The following EVL variants were observed in gnomAD, a reference collection of about 807,000 sequenced individuals.
EVL encodes the protein Enah/Vasp-like, also known as ena/VASP-like protein.
EVL carries 21 observed loss-of-function variants against 59.6 expected under a neutral mutation model. The observed-to-expected ratio is 0.35, with a 90% CI of 0.25 to 0.51. The LOEUF (loss-of-function observed/expected upper bound fraction) is 0.51, where lower values mean the gene tolerates loss of function less well. Among genes scored for constraint, EVL ranks in the 20% least tolerant of loss-of-function variants. The probability of loss-of-function intolerance (pLI) is 0.97; values close to 1 mark genes in which losing one functional copy is unlikely to be tolerated. For missense variants in EVL, 462 were observed against 546.6 expected (o/e 0.85, Z 1.54); for synonymous variants, 198 against 203.5 (o/e 0.97, Z 0.23).
intron 3 of EVL, chr14:100,106,498 C>G (rs75172774): frequency 5.7e-6 from 1 of 174,732 alleles, no homozygotes; most frequent in African/African-American, 2.4e-5. Flanking sequence ...CGTGGACCGC[C>G]TCCGTCTCCT....
At chr14:100,141,286 C>T (rs1449113524) in intron 12 of EVL, 40 bp downstream of exon 12, 11 of 1,606,802 alleles carry the variant, frequency 6.8e-6, no homozygotes, top group Non-Finnish European at 9.4e-6. Flanking sequence ...AGGCTGAGGG[C>T]AGCCAGCAGG....
At chr14:100,100,082 A>G (rs1004941594) in intron 3 of EVL, among the ~76,000 whole-genome samples, 1 of 151,608 alleles carries the variant, frequency 6.6e-6, no homozygotes, top group Non-Finnish European at 1.5e-5. Flanking sequence ...TAAATTCACC[A>G]GAGAATCACA....
intron 1 of EVL, among the ~76,000 whole-genome samples, chr14:100,023,371 A>ATTTT (rs1010647617): frequency 8.8e-5 from 8 of 90,750 alleles, no homozygotes; most frequent in Non-Finnish European, 1.2e-4. Context: ...AGCCCGGCTA[A>ATTTT]TTTTTTTTTT....
At chr14:99,973,677 G>A (rs1255504955) in intron 1 of EVL, among the ~76,000 whole-genome samples, 1 of 152,116 alleles carries the variant, frequency 6.6e-6, no homozygotes, top group African/African-American at 2.4e-5. Flanking sequence ...TGGCCAGGCG[G>A]GTCTCGAACT....
At position 100,109,823 on chromosome 14, in the gene EVL, C is replaced by A; in HGVS notation, c.358+12165C>A. ...ATGGAAGGGCCTTCAGCTGCTGTGG[C>A]CCCGAGGTGTGCATACTGTGGAAGG... On this transcript the variant is annotated intron_variant, in intron 3 of 13. Coordinates refer to ENST00000392920, the MANE Select transcript of EVL (RefSeq NM_016337.3). This position sits in a 1 kb window ranked among gnomAD's most constrained non-coding sequence, Gnocchi z 4.3. 1 of 441,860 alleles carries A rather than the reference C, an allele frequency of 2.3e-6. No homozygotes were observed. Among genetic ancestry groups the A allele is most frequent in the Admixed American group, 2.4e-5 (1 of 41,514 alleles). 27.4% of individuals were successfully genotyped at this position (441,860 alleles called of 1,614,324 possible). A position where few individuals can be genotyped will look rare whatever the true frequency, so the allele number is the denominator to read the frequency against.
At chr14:100,107,479 GCAGGC>G in intron 3 of EVL, 1 of 395,104 alleles carries the variant, frequency 2.5e-6, no homozygotes, top group Non-Finnish European at 4.5e-6. Flanking sequence ...GAGGATGTGT[GCAGGC>G]CACAGGACAA....
At chr14:100,083,085 G>A (rs2062347657) in intron 1 of EVL, among the ~76,000 whole-genome samples, 1 of 152,172 alleles carries the variant, frequency 6.6e-6, no homozygotes, top group African/African-American at 2.4e-5. Context: ...GGGCTCTGTG[G>A]TCACCTTCCA....
chr14:100,011,670 A>G (rs890656200), intron 1 of EVL, among the ~76,000 whole-genome samples: 1 of 152,220 alleles, frequency 6.6e-6, no homozygotes, highest in Non-Finnish European at 1.5e-5. Flanking sequence ...TAAATTGACT[A>G]TGATACTCTG....
At chr14:99,989,688 T>C (rs1040601775) in intron 1 of EVL, among the ~76,000 whole-genome samples, 25 of 152,240 alleles carry the variant, frequency 1.6e-4, no homozygotes, top group African/African-American at 5.8e-4. Flanking sequence ...GTGGCTATCA[T>C]ATTGGACAGC....
intron 3 of EVL, among the ~76,000 whole-genome samples, chr14:100,123,137 C>A (rs1887803781): frequency 6.6e-6 from 1 of 152,184 alleles, no homozygotes; most frequent in African/African-American, 2.4e-5. Context: ...TTCCCAGTTC[C>A]CCGCTGATTT....
At chr14:100,073,808 C>T (rs932274903) in intron 1 of EVL, among the ~76,000 whole-genome samples, 1 of 152,078 alleles carries the variant, frequency 6.6e-6, no homozygotes, top group African/African-American at 2.4e-5. Context: ...CACTAGGGCC[C>T]AGTTACTAGA....
chr14:100,001,397 C>T (rs775101150), intron 1 of EVL, among the ~76,000 whole-genome samples: 1 of 152,194 alleles, frequency 6.6e-6, no homozygotes, highest in Non-Finnish European at 1.5e-5. Flanking sequence ...TAGAATCTAG[C>T]AACAGGTGTG....
At chr14:100,060,534 G>C (rs1048914985), upstream of EVL, among the ~76,000 whole-genome samples, 2 of 151,878 alleles carry the variant, frequency 1.3e-5, no homozygotes, top group Admixed American at 1.3e-4. Context: ...CCAGAAGAAA[G>C]GGTAGTGGAC....
At chr14:100,049,793 C>T (rs1006913075) in intron 1 of EVL, among the ~76,000 whole-genome samples, 1 of 152,132 alleles carries the variant, frequency 6.6e-6, no homozygotes, top group Non-Finnish European at 1.5e-5. Context: ...GCAGTCAGTC[C>T]TCAGTCTCCC....
At position 100,075,354 on chromosome 14, in the gene EVL, C is replaced by T. The variant is rs543988094; in HGVS notation, c.12-9333C>T. On this transcript the variant is annotated intron_variant, in intron 1 of 13. Transcript: ENST00000392920. The stretch of plus-strand genomic sequence containing the variant: ...CACCTCAGTGTGGGCTGCTCCGCTC[C>T]CATCCAGGAGGCTCCTTACTGATGG... Among the ~76,000 whole-genome samples, 10 of 152,334 alleles carry T rather than the reference C, an allele frequency of 6.6e-5. No homozygotes were observed. In the South Asian group the frequency reaches 2.1e-3, roughly 32 times the overall value.
At chr14:100,132,644 G>T (rs1888507756) in intron 7 of EVL, 75 bp from the exon 8 acceptor site, 1 of 1,522,526 alleles carries the variant, frequency 6.6e-7, no homozygotes, top group South Asian at 1.1e-5. Context: ...GTCTGGCAGG[G>T]TGGAGGCAGA....
intron 1 of EVL, among the ~76,000 whole-genome samples, chr14:100,022,332 C>T (rs1275055297): frequency 1.3e-5 from 2 of 150,200 alleles, no homozygotes; most frequent in African/African-American, 4.9e-5. Context: ...GGCTGGAGTG[C>T]AGTGGCACAA....
chr14:100,071,405 G>A (rs2062045891), intron 1 of EVL, among the ~76,000 whole-genome samples: 1 of 152,142 alleles, frequency 6.6e-6, no homozygotes, highest in African/African-American at 2.4e-5. Flanking sequence ...ATATTACTAA[G>A]ACATCATTTG....
chr14:100,107,465 G>C (rs193048370), intron 3 of EVL: 17 of 396,374 alleles, frequency 4.3e-5, no homozygotes, highest in African/African-American at 2.7e-4. Context: ...GACCCAGTGA[G>C]GGGGAGGATG....
Sources: allele counts gnomAD v4.1 joint callset (sites outside exome capture counted in the v4.1 genomes callset), GRCh38; gene constraint gnomAD v4.1.1; non-coding constraint Gnocchi (gnomAD v3.1); transcripts MANE v1.5; gene names NCBI Gene and HGNC (gene_info 2026-07-23, HGNC 2026-07-21).